MECOM: variants seen among roughly 807,000 people sequenced by gnomAD.
MECOM encodes the protein MDS1 and EVI1 complex locus.
Under a neutral mutation model 116.3 loss-of-function variants are expected in MECOM, and 13 were observed. The observed-to-expected ratio is 0.11, with a 90% CI of 0.07 to 0.18. The LOEUF (loss-of-function observed/expected upper bound fraction) is 0.18, where lower values mean the gene tolerates loss of function less well. Among genes scored for constraint, MECOM ranks in the 10% least tolerant of loss-of-function variants. MECOM has a pLI of 1.00. For synonymous variants in MECOM, 528 were observed against 535.2 expected, an observed-to-expected ratio of 0.99 and a Z score of 0.19; for missense variants, 1,299 against 1,509.0, an observed-to-expected ratio of 0.86 and a Z score of 2.31.
intron 1 of MECOM, among the ~76,000 whole-genome samples, chr3:169,531,150 C>T (rs977319595): frequency 3.3e-5 from 5 of 152,190 alleles, no homozygotes; most frequent in Non-Finnish European, 7.3e-5. Context: ...GCAAACCTGA[C>T]AGCTCTTCAC....
chr3:169,387,150 C>T (rs937772759), intron 1 of MECOM, among the ~76,000 whole-genome samples: 1 of 151,956 alleles, frequency 6.6e-6, no homozygotes, highest in Non-Finnish European at 1.5e-5. Context: ...TTACAAAGTC[C>T]TTACCTACAG....
At chr3:169,346,755 G>A (rs1037461344) in intron 2 of MECOM, among the ~76,000 whole-genome samples, 1 of 152,016 alleles carries the variant, frequency 6.6e-6, no homozygotes. Flanking sequence ...CACCATGCTG[G>A]TGTGTAAGAG....
At chr3:169,107,102 A>G (rs919643325) in intron 10 of MECOM, among the ~76,000 whole-genome samples, 1 of 152,182 alleles carries the variant, frequency 6.6e-6, no homozygotes, top group African/African-American at 2.4e-5. Flanking sequence ...ATAATGATTC[A>G]GTGACTTTAA....
chr3:169,655,896 C>A (rs1017347715), intron 1 of MECOM, among the ~76,000 whole-genome samples: 2 of 152,106 alleles, frequency 1.3e-5, no homozygotes, highest in Admixed American at 1.3e-4. Flanking sequence ...CACATTATAC[C>A]AATTAACTCT....
chr3:169,635,155 A>G (rs1185928523), intron 1 of MECOM, among the ~76,000 whole-genome samples: 1 of 152,156 alleles, frequency 6.6e-6, no homozygotes, highest in Non-Finnish European at 1.5e-5. Flanking sequence ...ACCTTTATGA[A>G]TGGTGTGACT....
chr3:169,373,653 C>T (rs1485459289), intron 2 of MECOM, among the ~76,000 whole-genome samples: 1 of 151,944 alleles, frequency 6.6e-6, no homozygotes, highest in Non-Finnish European at 1.5e-5. Flanking sequence ...ATAATCACAT[C>T]ATGGAAAATG....
chr3:169,514,735 A>G (rs1429659664), intron 1 of MECOM, among the ~76,000 whole-genome samples: 7 of 152,316 alleles, frequency 4.6e-5, no homozygotes, highest in South Asian at 4.2e-4. Context: ...CAGATGCCCG[A>G]TGAATGTTCA....
chr3:169,297,659 A>AT (rs1050440896), intron 2 of MECOM, among the ~76,000 whole-genome samples: 5 of 152,080 alleles, frequency 3.3e-5, no homozygotes, highest in African/African-American at 1.2e-4. Context: ...AAAAAAAATC[A>AT]TTTTTTCTAT....
At chr3:169,497,681 C>A (rs1754000768) in intron 1 of MECOM, among the ~76,000 whole-genome samples, 1 of 152,124 alleles carries the variant, frequency 6.6e-6, no homozygotes. Context: ...TGTAATTCAT[C>A]CTGCATACCT....
chr3:169,594,174 A>AAAAAAAAAAAAAAAAAAAAAAAAAACC (rs1255613781), intron 1 of MECOM, among the ~76,000 whole-genome samples: 2 of 125,934 alleles, frequency 1.6e-5, no homozygotes, highest in African/African-American at 6.4e-5. Context: ...AAAAAAAAAA[A>AAAAAAAAAAAAAAAAAAAAAAAAAACC]AACACCTTTT....
chr3:169,593,756 T>G (rs1766719075), intron 1 of MECOM, among the ~76,000 whole-genome samples: 1 of 152,132 alleles, frequency 6.6e-6, no homozygotes, highest in Non-Finnish European at 1.5e-5. Flanking sequence ...AGGAGTTAAT[T>G]CAAAGACAGT....
chr3:169,216,988 A>G (rs1751500072), intron 2 of MECOM, among the ~76,000 whole-genome samples: 1 of 152,216 alleles, frequency 6.6e-6, no homozygotes, highest in South Asian at 2.1e-4. Flanking sequence ...TCTACTAGCC[A>G]CACAAATAAA....
chr3:169,492,233 G>T (rs1018241177), intron 1 of MECOM, among the ~76,000 whole-genome samples: 1 of 152,146 alleles, frequency 6.6e-6, no homozygotes, highest in Non-Finnish European at 1.5e-5. Context: ...AAAGTTCGTG[G>T]GGTAAGAAAG....
intron 2 of MECOM, chr3:169,145,218 G>A: frequency 1.8e-6 from 1 of 545,856 alleles, no homozygotes; most frequent in Non-Finnish European, 3.2e-6. Context: ...TCTTTTTCAA[G>A]GATGCCTCTT....
chr3:169,094,609 CTTAACAAAAA>C (rs1232980746), intron 13 of MECOM, among the ~76,000 whole-genome samples: 1 of 152,164 alleles, frequency 6.6e-6, no homozygotes, highest in African/African-American at 2.4e-5. Flanking sequence ...TATTCCCAGT[CTTAACAAAAA>C]TTACCAAGAG....
intron 2 of MECOM, among the ~76,000 whole-genome samples, chr3:169,182,142 T>G (rs1746049732): frequency 6.6e-6 from 1 of 152,210 alleles, no homozygotes; most frequent in Non-Finnish European, 1.5e-5. Context: ...TAATTACCTC[T>G]GAAAGTAACT....
intron 2 of MECOM, among the ~76,000 whole-genome samples, chr3:169,293,006 A>C (rs373369236): frequency 6.6e-6 from 1 of 152,148 alleles, no homozygotes; most frequent in Non-Finnish European, 1.5e-5. Context: ...AGTGAGATGA[A>C]GTGACTTATC....
At chr3:169,545,876 C>T (rs1389257596) in intron 1 of MECOM, among the ~76,000 whole-genome samples, 5 of 152,180 alleles carry the variant, frequency 3.3e-5, no homozygotes, top group Non-Finnish European at 7.4e-5. Flanking sequence ...TGTGACTTCT[C>T]GCTTCTCTTC....
At chr3:169,517,688 T>C (rs144082653) in intron 1 of MECOM, among the ~76,000 whole-genome samples, 2,747 of 152,296 alleles carry the variant, frequency 0.018, 29 homozygotes, top group Middle Eastern at 0.037. Context: ...TAAGCCAGAA[T>C]TGATGGCAGC....
Sources: allele counts gnomAD v4.1 joint callset (sites outside exome capture counted in the v4.1 genomes callset), GRCh38; gene constraint gnomAD v4.1.1; transcripts MANE v1.5; gene names NCBI Gene and HGNC (gene_info 2026-07-23, HGNC 2026-07-21).